Variants in MSH4 observed in about 807,000 individuals in gnomAD.
MSH4 encodes mutS homolog 4.
In MSH4, 106 loss-of-function variants were observed where a neutral mutation model predicts 113.7. The ratio of observed to expected loss-of-function variants is 0.93; its 90% CI spans 0.80 to 1.10. The LOEUF is 1.10. Ranked by LOEUF, MSH4 falls within the 50% of genes least tolerant of loss-of-function variation. MSH4 has a pLI of 0.00. For missense variants in MSH4, 1,061 were observed against 1,093.7 expected (o/e 0.97, Z 0.42); for synonymous variants, 368 against 380.2 (o/e 0.97, Z 0.37).
chr1:75,905,299 C>A (rs1652600344), intron 19 of MSH4, among the ~76,000 whole-genome samples: 1 of 150,426 alleles, frequency 6.6e-6, no homozygotes. Context: ...TCGTTATTGA[C>A]CCATTGATTG....
chr1:75,823,800 A>C (rs1031329761), intron 7 of MSH4, among the ~76,000 whole-genome samples: 1 of 152,178 alleles, frequency 6.6e-6, no homozygotes, highest in Admixed American at 6.5e-5. Flanking sequence ...TGCAGAGGTC[A>C]TGAACTCATT....
At chr1:75,802,979 G>A (rs960171016) in intron 1 of MSH4, among the ~76,000 whole-genome samples, 3 of 152,128 alleles carry the variant, frequency 2.0e-5, no homozygotes, top group East Asian at 1.9e-4. Flanking sequence ...TCCTACTCTC[G>A]TGATAACCCA....
chr1:75,890,931 T>G, intron 17 of MSH4, 107 bp downstream of exon 17: 1 of 1,025,462 alleles, frequency 9.8e-7, no homozygotes, highest in Non-Finnish European at 1.4e-6. Flanking sequence ...ACAATTTAGA[T>G]AGTAAACACA....
intron 7 of MSH4, among the ~76,000 whole-genome samples, chr1:75,841,905 A>G (rs1317963281): frequency 6.6e-6 from 1 of 152,230 alleles, no homozygotes; most frequent in Non-Finnish European, 1.5e-5. Context: ...TTTTTAAACT[A>G]TTGGCGAAAA....
chr1:75,838,402 A>C (rs1453380762), intron 7 of MSH4, among the ~76,000 whole-genome samples: 1 of 152,150 alleles, frequency 6.6e-6, no homozygotes, highest in East Asian at 1.9e-4. Flanking sequence ...AATCCAGGAT[A>C]ATCTCTCCAT....
chr1:75,898,110 A>T lies in MSH4; in HGVS notation c.2530+29A>T, dbSNP rs764506547. 47 of 1,384,660 alleles carry T rather than the reference A, an allele frequency of 3.4e-5. No homozygotes were observed. In the African/African-American group the frequency reaches 6.4e-4, roughly 19 times the overall value. 85.8% of individuals were successfully genotyped at this position (1,384,660 alleles called of 1,614,324 possible). The stretch of plus-strand genomic sequence containing the variant: ...CTGCATATAGAAATTATACCTATAC[A>T]TTCAAATACTATATATTCTCCTAAG... On this transcript the variant is annotated intron_variant, in intron 18 of 19. Transcript: ENST00000263187.
intron 19 of MSH4, among the ~76,000 whole-genome samples, chr1:75,899,997 CTATTT>C (rs1652473448): frequency 6.6e-6 from 1 of 151,566 alleles, no homozygotes; most frequent in African/African-American, 2.4e-5. Context: ...GGAAATAAAT[CTATTT>C]TAAGTGGACA....
chr1:75,908,227 C>T (rs1652712614), intron 19 of MSH4, among the ~76,000 whole-genome samples: 1 of 147,700 alleles, frequency 6.8e-6, no homozygotes, highest in Admixed American at 6.8e-5. Flanking sequence ...CTCACTGCAA[C>T]CTCTGCCTCC....
At chr1:75,912,080 A>T (rs1221536313) in intron 19 of MSH4, among the ~76,000 whole-genome samples, 1 of 152,134 alleles carries the variant, frequency 6.6e-6, no homozygotes, top group African/African-American at 2.4e-5. Context: ...AAATTAAGGC[A>T]TGATTTTAAA....
intron 17 of MSH4, among the ~76,000 whole-genome samples, chr1:75,892,554 G>T (rs1379731447): frequency 6.6e-6 from 1 of 152,150 alleles, no homozygotes; most frequent in African/African-American, 2.4e-5. Context: ...AAGCAGCAGA[G>T]ATCCAGGTGA....
At chr1:75,799,875 G>T (rs190205871) in intron 1 of MSH4, among the ~76,000 whole-genome samples, 1 of 152,218 alleles carries the variant, frequency 6.6e-6, no homozygotes, top group South Asian at 2.1e-4. Context: ...CTCTGTTATG[G>T]ACATGCTGAG....
chr1:75,884,717 A>G (rs1416205839), intron 15 of MSH4, among the ~76,000 whole-genome samples: 1 of 152,022 alleles, frequency 6.6e-6, no homozygotes, highest in Non-Finnish European at 1.5e-5. Flanking sequence ...GGTCTAATGT[A>G]ATGAATTGTA....
Position 75,881,284 on chromosome 1 carries a change from T to G in MSH4, c.1820T>G (p.Ile607Ser). The G allele has an allele frequency of 6.2e-7, 1 of 1,608,554 alleles. No homozygotes were observed. The highest frequency in any genetic ancestry group is 8.5e-7 in the Non-Finnish European group (1 of 1,175,940). Residue 607 changes from isoleucine (I) to serine (S), a missense_variant, in exon 14 of 20, where the codon ATT becomes AGT. By Grantham distance (142) the Ile-to-Ser change is moderately radical. Coordinates refer to ENST00000263187, the MANE Select transcript of MSH4 (RefSeq NM_002440.4). ...CTGCTTAGTGAGATTTATGAACATA[T>G]TCATTGCTTATATAAACTATCTGAC... is the stretch of plus-strand genomic sequence containing the variant. The part of the protein sequence containing the change: ...CKLLSEIYEH[I>S]HCLYKLSDTV...
At chr1:75,896,974 C>T (rs1401024379) in intron 17 of MSH4, among the ~76,000 whole-genome samples, 2 of 152,084 alleles carry the variant, frequency 1.3e-5, no homozygotes, top group East Asian at 3.8e-4. Flanking sequence ...CTGTCATATA[C>T]AAAATTATTC....
chr1:75,885,109 G>A (rs1419530141), intron 15 of MSH4, among the ~76,000 whole-genome samples: 1 of 136,296 alleles, frequency 7.3e-6, no homozygotes, highest in Non-Finnish European at 1.5e-5. Flanking sequence ...ATCTAGATAA[G>A]AAAGGTTGAG....
chr1:75,854,912 A>G (rs1176794469), intron 8 of MSH4, among the ~76,000 whole-genome samples: 1 of 152,226 alleles, frequency 6.6e-6, no homozygotes. Flanking sequence ...TTTTGAATGA[A>G]AAATATCTTA....
chr1:75,903,642 C>A (rs1652558440), intron 19 of MSH4, among the ~76,000 whole-genome samples: 1 of 151,930 alleles, frequency 6.6e-6, no homozygotes, highest in South Asian at 2.1e-4. Flanking sequence ...AGTATTTATT[C>A]TTCCAATCAA....
chr1:75,829,572 C>T (rs571525958), intron 7 of MSH4, among the ~76,000 whole-genome samples: 3 of 152,272 alleles, frequency 2.0e-5, no homozygotes, highest in Non-Finnish European at 4.4e-5. Flanking sequence ...AGCTGGATGC[C>T]CCTCTGAGAC....
intron 19 of MSH4, among the ~76,000 whole-genome samples, chr1:75,911,041 C>T (rs1055572461): frequency 2.0e-5 from 3 of 151,788 alleles, no homozygotes; most frequent in Non-Finnish European, 4.4e-5. Context: ...TGTAAAAAGT[C>T]CTCTGTAATT....
Sources: gnomAD v4.1 joint callset for allele counts (sites outside exome capture counted in the v4.1 genomes callset) on GRCh38, gnomAD v4.1.1 for gene constraint, MANE v1.5 for transcripts, NCBI Gene and HGNC (gene_info 2026-07-23, HGNC 2026-07-21) for gene names.